PICK1: variants seen among roughly 807,000 people sequenced by gnomAD.
The protein encoded by PICK1 is protein interacting with PRKCA 1.
PICK1 carries 23 observed loss-of-function variants against 48.9 expected under a neutral mutation model. The ratio of observed to expected loss-of-function variants is 0.47; its 90% CI spans 0.34 to 0.67. PICK1 has a LOEUF of 0.67. Ranked by LOEUF, PICK1 falls within the 30% of genes least tolerant of loss-of-function variation. The pLI is 0.01. For missense variants in PICK1, 423 were observed against 557.1 expected (o/e 0.76, Z 2.42); for synonymous variants, 217 against 228.2 (o/e 0.95, Z 0.44).
intron 3 of PICK1, 97 bp downstream of exon 3, chr22:38,059,442 A>G: frequency 2.3e-6 from 2 of 863,112 alleles, no homozygotes; most frequent in Non-Finnish European, 3.9e-6. Flanking sequence ...ACTCCTTCTC[A>G]TTCTTGAGGT....
At chr22:38,072,856 T>C in intron 9 of PICK1, 144 bp from the exon 10 acceptor site, 1 of 835,174 alleles carries the variant, frequency 1.2e-6, no homozygotes, top group Non-Finnish European at 2.1e-6. Flanking sequence ...AGTCTTCTCA[T>C]CCTTGAGAGG....
chr22:38,071,590 C>G (rs557262036), intron 7 of PICK1, 92 bp from the exon 8 acceptor site: 1 of 1,139,104 alleles, frequency 8.8e-7, no homozygotes, highest in East Asian at 2.3e-5. Flanking sequence ...TAGCAGAGGC[C>G]TTGGGTGGCA....
intron 3 of PICK1, among the ~76,000 whole-genome samples, chr22:38,059,963 C>T (rs1176443992): frequency 2.6e-5 from 4 of 152,186 alleles, no homozygotes; most frequent in Non-Finnish European, 5.9e-5. Flanking sequence ...CCTGTAATCC[C>T]AGCACTTTGG....
At chr22:38,072,951 T>G (rs1601958276) in intron 9 of PICK1, 49 bp from the exon 10 acceptor site, 1 of 1,262,762 alleles carries the variant, frequency 7.9e-7, no homozygotes, top group Non-Finnish European at 1.2e-6. Context: ...ATTGTCACCC[T>G]GGCACACCCC....
At position 38,066,851 on chromosome 22, in the gene PICK1, C is replaced by CTTGGGA. The variant is rs1315127523; in HGVS notation, c.283-852_283-847dup. Among the ~76,000 whole-genome samples, 1 of 152,248 alleles carries CTTGGGA rather than the reference C, an allele frequency of 6.6e-6. No homozygotes were observed. The highest frequency in any genetic ancestry group is 1.9e-4 in the East Asian group (1 of 5,202). On this transcript the variant is annotated intron_variant, in intron 4 of 12. Transcript: ENST00000356976. This position sits in a 1 kb window ranked among gnomAD's most constrained non-coding sequence, Gnocchi z 4.1. ...GCCCTCCCGTGCTCAGGCAAGTCCT[C>CTTGGGA]TTGGGAGAAGCCTTTGTCTCCTGAG...
intron 6 of PICK1, among the ~76,000 whole-genome samples, chr22:38,070,255 A>G (rs1282514669): frequency 6.6e-6 from 1 of 152,080 alleles, no homozygotes; most frequent in Non-Finnish European, 1.5e-5. Context: ...TCACCATCAC[A>G]CTGCTGTCCA....
At chr22:38,071,917 G>A in intron 8 of PICK1, 173 bp downstream of exon 8, 1 of 683,462 alleles carries the variant, frequency 1.5e-6, no homozygotes, top group Non-Finnish European at 2.7e-6. Flanking sequence ...TAGATCAGCT[G>A]GTCTCTTAAG....
chr22:38,061,519 T>G lies in PICK1; in HGVS notation c.153+2174T>G, dbSNP rs755214591. 3.9e-5 allele frequency among the ~76,000 whole-genome samples: 6 copies of G among 152,292 alleles called. No individual in the cohort carries two copies. The South Asian group carries it at 6.2e-4, about 16-fold the overall frequency. On this transcript the variant is annotated intron_variant, in intron 3 of 12. Transcript: ENST00000356976. Reference sequence around the variant, plus strand: ...TCACCCGGCTTTCTCTGTCTCTTCATGCATGGGCTTCCATTTTTCTCAATA... The same window carrying G: ...TCACCCGGCTTTCTCTGTCTCTTCAGGCATGGGCTTCCATTTTTCTCAATA...
chr22:38,064,654 G>A (rs778566372), intron 3 of PICK1, among the ~76,000 whole-genome samples: 2 of 152,122 alleles, frequency 1.3e-5, no homozygotes, highest in South Asian at 2.1e-4. Flanking sequence ...CCAGCTACTC[G>A]GGAGGCTGAG....
intron 6 of PICK1, among the ~76,000 whole-genome samples, chr22:38,070,599 A>C (rs2085654179): frequency 6.6e-6 from 1 of 152,124 alleles, no homozygotes; most frequent in Admixed American, 6.5e-5. Context: ...TTTGTGTTAG[A>C]AGTGTGGGAG....
chr22:38,070,342 A>C (rs1485632935), intron 6 of PICK1, among the ~76,000 whole-genome samples: 1 of 152,242 alleles, frequency 6.6e-6, no homozygotes, highest in African/African-American at 2.4e-5. Context: ...TGAGCCTGAC[A>C]TGGTGGCTGG....
intron 6 of PICK1, 116 bp from the exon 7 acceptor site, chr22:38,070,722 T>G: frequency 2.3e-6 from 2 of 877,542 alleles, no homozygotes; most frequent in Non-Finnish European, 3.8e-6. Flanking sequence ...CTGGGACCCC[T>G]GATCTTTCCC....
intron 4 of PICK1, 54 bp from the exon 5 acceptor site, chr22:38,067,650 A>C: frequency 6.6e-7 from 1 of 1,505,478 alleles, no homozygotes; most frequent in Non-Finnish European, 9.2e-7. Flanking sequence ...TTGGCTGGGA[A>C]GGGGCTCAGG....
intron 3 of PICK1, among the ~76,000 whole-genome samples, chr22:38,064,769 G>C (rs1264180577): frequency 6.6e-6 from 1 of 152,102 alleles, no homozygotes; most frequent in African/African-American, 2.4e-5. Flanking sequence ...TCAAAAAAAA[G>C]AAATCATTTG....
chr22:38,075,233 T>G lies in PICK1; in HGVS notation c.*101T>G. ...AAGGGGGCGACGCATAAAGGCCTGC[T>G]GGCTTGGGGCGCCTGCCTCCCTGCT... is the stretch of plus-strand genomic sequence containing the variant. On this transcript the variant is annotated 3_prime_UTR_variant, in exon 13 of 13. Coordinates refer to ENST00000356976, the MANE Select transcript of PICK1 (RefSeq NM_012407.4). 1 of 1,197,370 alleles carries G rather than the reference T, an allele frequency of 8.4e-7. No homozygotes were observed. Among genetic ancestry groups the G allele is most frequent in the Non-Finnish European group, 1.1e-6 (1 of 873,888 alleles). 74.2% of individuals were successfully genotyped at this position (1,197,370 alleles called of 1,614,324 possible).
chr22:38,059,648 C>A (rs2085352206), intron 3 of PICK1, among the ~76,000 whole-genome samples: 1 of 152,178 alleles, frequency 6.6e-6, no homozygotes, highest in Non-Finnish European at 1.5e-5. Flanking sequence ...AGGTACAGTG[C>A]CTGGCACATA....
chr22:38,074,403 A>C lies in PICK1; in HGVS notation c.931A>C (p.Met311Leu). ...GGAGGCGCGCGCCCGCTTCTCCCAG[A>C]TGCGCAAGGATGTGCTGGAGAAGAT... Reference protein sequence around the residue: ...RQEARARFSQMRKDVLEKMEL... With the variant: ...RQEARARFSQLRKDVLEKMEL... The change falls in exon 12 of 13, where the codon ATG becomes CTG. Residue 311 changes from methionine to leucine, a missense_variant. Physicochemically the swap from Met to Leu is conservative, Grantham distance 15 (BLOSUM62 2). This residue lies in a region of PICK1 where 144 missense variants were observed against 139.3 expected (regional missense o/e 1.03). Transcript: ENST00000356976. The surrounding 1 kb of genome is among the most constrained non-coding windows in gnomAD (Gnocchi z 4.5). The C allele has an allele frequency of 1.2e-6, 2 of 1,613,030 alleles. No homozygotes were observed. The highest frequency in any genetic ancestry group is 1.7e-6 in the Non-Finnish European group (2 of 1,179,946).
intron 3 of PICK1, among the ~76,000 whole-genome samples, chr22:38,063,944 C>A (rs188632330): frequency 1.1e-4 from 17 of 152,244 alleles, no homozygotes; most frequent in Non-Finnish European, 2.1e-4. Context: ...GGTGTCACAT[C>A]CAAGAAATTA....
Position 38,073,915 on chromosome 22 carries a change from G to A in PICK1, c.834+92G>A, listed in dbSNP as rs1248691761. The A allele has an allele frequency of 5.3e-5, 68 of 1,286,478 alleles. No individual in the cohort carries two copies. In the Admixed American group the frequency reaches 1.2e-3, roughly 22 times the overall value. The allele number at this position is 1,286,478 out of a possible 1,614,324, so 79.7% of individuals were successfully genotyped here. On this transcript the variant is annotated intron_variant, in intron 11 of 12. Transcript: ENST00000356976. The surrounding 1 kb of genome is among the most constrained non-coding windows in gnomAD (Gnocchi z 5.7). ...CTCAGGCCAACCCGGGAGAGACCGG[G>A]GGGACTTGGCTGGACTCTCGTTCCT...
Sources: gnomAD v4.1 joint callset for allele counts (sites outside exome capture counted in the v4.1 genomes callset) on GRCh38, gnomAD v4.1.1 for gene constraint, gnomAD v4.1.1 regional missense constraint, Gnocchi (gnomAD v3.1) non-coding constraint, MANE v1.5 for transcripts, NCBI Gene and HGNC (gene_info 2026-07-23, HGNC 2026-07-21) for gene names.